DACH2: variants seen among roughly 807,000 people sequenced by gnomAD.
DACH2 encodes dachshund family transcription factor 2.
DACH2 carries 17 observed loss-of-function variants against 35.8 expected under a neutral mutation model. That is an observed-to-expected ratio of 0.48 (90% CI 0.33 to 0.71). The LOEUF is 0.71. Ranked by LOEUF, DACH2 falls within the 30% of genes least tolerant of loss-of-function variation. DACH2 has a pLI of 0.02. For synonymous variants in DACH2, 195 were observed against 177.3 expected (o/e 1.10, Z -0.79); for missense variants, 469 against 472.7 (o/e 0.99, Z 0.07).
intron 1 of DACH2, among the ~76,000 whole-genome samples, chrX:86,174,574 C>A (rs747653364): frequency 1.8e-5 from 2 of 112,280 alleles, no homozygotes; most frequent in Admixed American, 1.9e-4. Flanking sequence ...AACTAAGAAA[C>A]TTCTGTGATG....
intron 1 of DACH2, among the ~76,000 whole-genome samples, chrX:86,318,017 C>T (rs1057414943): frequency 3.6e-5 from 4 of 111,682 alleles, no homozygotes; most frequent in South Asian, 3.7e-4. Flanking sequence ...CCAGTTTTTC[C>T]AATTGTGTCC....
chrX:86,416,582 T>C (rs768190740), intron 2 of DACH2, among the ~76,000 whole-genome samples: 4 of 111,224 alleles, frequency 3.6e-5, no homozygotes, highest in Non-Finnish European at 7.5e-5. Context: ...GTGAAGAGTG[T>C]CTTAGTCCAT....
chrX:86,389,004 G>C (rs1201673694), intron 2 of DACH2, among the ~76,000 whole-genome samples: 1 of 110,898 alleles, frequency 9.0e-6, no homozygotes, highest in Non-Finnish European at 1.9e-5. Context: ...AGAAAGGGAG[G>C]GCTTAATATT....
At chrX:86,741,178 G>A (rs986574415) in intron 7 of DACH2, among the ~76,000 whole-genome samples, 2 of 111,503 alleles carry the variant, frequency 1.8e-5, no homozygotes, top group African/African-American at 3.3e-5. Flanking sequence ...ATTTTCTTGG[G>A]GGAAGAGAAA....
At chrX:86,220,000 T>TAC in intron 1 of DACH2, among the ~76,000 whole-genome samples, 1 of 23,258 alleles carries the variant, frequency 4.3e-5, no homozygotes, top group South Asian at 4.2e-3. Context: ...CTACTAAAAA[T>TAC]ACAAAAAAAA....
intron 7 of DACH2, among the ~76,000 whole-genome samples, chrX:86,757,832 C>G (rs1307272526): frequency 2.7e-5 from 3 of 112,157 alleles, no homozygotes; most frequent in Non-Finnish European, 5.6e-5. Context: ...GTACAGCCTG[C>G]AGAACCATAA....
chrX:86,505,698 G>T (rs1022658202), intron 2 of DACH2, among the ~76,000 whole-genome samples: 8 of 111,582 alleles, frequency 7.2e-5, no homozygotes, highest in Non-Finnish European at 1.3e-4. Flanking sequence ...TGTATCAGCT[G>T]GAGAAAATGC....
intron 1 of DACH2, among the ~76,000 whole-genome samples, chrX:86,282,359 A>G (rs901253719): frequency 2.3e-4 from 26 of 111,771 alleles, no homozygotes; most frequent in African/African-American, 8.5e-4. Flanking sequence ...CACATCTACA[A>G]CCATCTGATC....
At chrX:86,505,603 T>C (rs2038311348) in intron 2 of DACH2, among the ~76,000 whole-genome samples, 1 of 104,920 alleles carries the variant, frequency 9.5e-6, no homozygotes, top group Non-Finnish European at 1.9e-5. Context: ...TGTTGTAGCA[T>C]GTGTCAGGAT....
At chrX:86,684,089 A>C (rs2040914421) in intron 4 of DACH2, among the ~76,000 whole-genome samples, 1 of 111,584 alleles carries the variant, frequency 9.0e-6, no homozygotes, top group South Asian at 3.7e-4. Flanking sequence ...TCGCCACTCC[A>C]AAGCATACAG....
At chrX:86,244,525 G>A (rs1478730328) in intron 1 of DACH2, among the ~76,000 whole-genome samples, 1 of 111,597 alleles carries the variant, frequency 9.0e-6, no homozygotes, top group Non-Finnish European at 1.9e-5. Flanking sequence ...GAAGTGGGAG[G>A]ATCGCTTAAG....
chrX:86,451,267 T>C (rs761096312), intron 2 of DACH2, among the ~76,000 whole-genome samples: 4 of 112,197 alleles, frequency 3.6e-5, no homozygotes, highest in Non-Finnish European at 5.6e-5. Context: ...GTTTCAATTT[T>C]CTGCAAATGG....
intron 1 of DACH2, among the ~76,000 whole-genome samples, chrX:86,286,253 G>A (rs867584116): frequency 2.6e-4 from 26 of 100,702 alleles, no homozygotes; most frequent in South Asian, 2.0e-3. Flanking sequence ...TCAGCCTCCC[G>A]AGTAGCTGGG....
At chrX:86,335,554 G>A (rs962804184) in intron 1 of DACH2, among the ~76,000 whole-genome samples, 49 of 111,413 alleles carry the variant, frequency 4.4e-4, no homozygotes, top group Non-Finnish European at 4.9e-4. Flanking sequence ...CTCTCTGTCT[G>A]TTCTTGGTGT....
chrX:86,470,242 A>T (rs1028268986), intron 2 of DACH2, among the ~76,000 whole-genome samples: 14 of 111,886 alleles, frequency 1.3e-4, no homozygotes, highest in Non-Finnish European at 2.1e-4. Flanking sequence ...TTAGCACTGT[A>T]TGGATTATCA....
intron 3 of DACH2, among the ~76,000 whole-genome samples, chrX:86,553,593 C>T (rs1161245051): frequency 8.9e-6 from 1 of 111,877 alleles, no homozygotes; most frequent in Non-Finnish European, 1.9e-5. Flanking sequence ...TCAATATTAA[C>T]CATCATACAG....
chrX:86,793,434 T>C (rs1038939446), intron 7 of DACH2, among the ~76,000 whole-genome samples: 1 of 111,435 alleles, frequency 9.0e-6, no homozygotes, highest in African/African-American at 3.3e-5. Flanking sequence ...AATACACTCT[T>C]TGGGATAAAG....
intron 1 of DACH2, among the ~76,000 whole-genome samples, chrX:86,191,495 A>T (rs2147892611): frequency 9.0e-6 from 1 of 111,073 alleles, no homozygotes; most frequent in South Asian, 3.8e-4. Context: ...GGGTGGGAGG[A>T]GAGTGAGGAC....
chrX:86,418,488 A>AT (rs758607618), intron 2 of DACH2, among the ~76,000 whole-genome samples: 1 of 111,972 alleles, frequency 8.9e-6, no homozygotes, highest in East Asian at 2.8e-4. Flanking sequence ...CAGGCTCAAC[A>AT]TGACATGGAA....
Sources: gnomAD v4.1 joint callset for allele counts (sites outside exome capture counted in the v4.1 genomes callset) on GRCh38, gnomAD v4.1.1 for gene constraint, MANE v1.5 for transcripts, NCBI Gene and HGNC (gene_info 2026-07-23, HGNC 2026-07-21) for gene names.